RAP1A: variants seen among roughly 807,000 people sequenced by gnomAD.
RAP1A encodes RAP1A, member of RAS oncogene family.
Under a neutral mutation model 26.4 loss-of-function variants are expected in RAP1A, and 6 were observed. That is an observed-to-expected ratio of 0.23 (90% CI 0.12 to 0.45). RAP1A has a LOEUF of 0.45. RAP1A is among the 20% of genes least tolerant of loss of function. The pLI, the probability that RAP1A is intolerant of heterozygous loss-of-function variation, is 0.99. For missense variants in RAP1A, 121 were observed against 217.2 expected (o/e 0.56, Z 2.78); for synonymous variants, 73 against 79.4 (o/e 0.92, Z 0.43).
At chr1:111,588,812 A>T (rs1389125781) in intron 1 of RAP1A, among the ~76,000 whole-genome samples, 3 of 152,242 alleles carry the variant, frequency 2.0e-5, no homozygotes, top group African/African-American at 7.2e-5. Flanking sequence ...CTGCACTAGA[A>T]TATACCCTCC....
intron 1 of RAP1A, among the ~76,000 whole-genome samples, chr1:111,690,999 A>G (rs1661648823): frequency 1.3e-5 from 2 of 152,244 alleles, no homozygotes; most frequent in Non-Finnish European, 1.5e-5. Flanking sequence ...AGTTGTTTAA[A>G]TGATAGCTTT....
chr1:111,709,511 GAGTTGGGTTTTAAAAAATAGT>G (rs1662309764), intron 7 of RAP1A, among the ~76,000 whole-genome samples: 1 of 152,154 alleles, frequency 6.6e-6, no homozygotes, highest in Admixed American at 6.5e-5. Flanking sequence ...GCTTGATACA[GAGTTGGGTTTTAAAAAATAGT>G]AGTTGAATGA....
intron 1 of RAP1A, among the ~76,000 whole-genome samples, chr1:111,600,257 C>T (rs890152254): frequency 1.3e-5 from 2 of 152,254 alleles, no homozygotes; most frequent in Non-Finnish European, 2.9e-5. Flanking sequence ...TCTTTCAGCT[C>T]ACATTGCAGA....
At chr1:111,690,192 C>T (rs948103122) in intron 1 of RAP1A, among the ~76,000 whole-genome samples, 1 of 152,084 alleles carries the variant, frequency 6.6e-6, no homozygotes, top group African/African-American at 2.4e-5. Context: ...ATATCATTTA[C>T]TCTAGAGCTT....
At chr1:111,688,978 G>T (rs374600777) in intron 1 of RAP1A, among the ~76,000 whole-genome samples, 15 of 152,064 alleles carry the variant, frequency 9.9e-5, no homozygotes, top group African/African-American at 3.6e-4. Flanking sequence ...GGGACCATAG[G>T]CACATGCCAC....
chr1:111,647,399 TAGAA>T (rs557669181), intron 1 of RAP1A, among the ~76,000 whole-genome samples: 25 of 152,254 alleles, frequency 1.6e-4, no homozygotes, highest in South Asian at 1.5e-3. Flanking sequence ...GTAATAATAA[TAGAA>T]AGAAAGTGCA....
upstream of RAP1A, among the ~76,000 whole-genome samples, chr1:111,615,155 A>T (rs893731393): frequency 1.4e-4 from 22 of 152,132 alleles, no homozygotes; most frequent in Non-Finnish European, 2.9e-5. Flanking sequence ...GTGAAAGGTA[A>T]GGCTAGAAAA....
Position 111,709,241 on chromosome 1 carries a change from TAGTC to T in RAP1A, c.*9_*12del, listed in dbSNP as rs762856412. ...AATCATGTCTGCTGCTCTAGGCCCA[TAGTC>T]AGCAGCAGCTCTGAGCCAGGTAAGA... On this transcript the variant is annotated 3_prime_UTR_variant, in exon 7 of 8. Transcript: ENST00000369709. 53 of 1,605,930 alleles carry T rather than the reference TAGTC, an allele frequency of 3.3e-5. No homozygotes were observed. The highest frequency in any genetic ancestry group is 4.3e-5 in the Non-Finnish European group (51 of 1,177,672).
chr1:111,672,043 T>C (rs1218862230), intron 1 of RAP1A, among the ~76,000 whole-genome samples: 1 of 152,202 alleles, frequency 6.6e-6, no homozygotes, highest in Non-Finnish European at 1.5e-5. Context: ...ATTATCCATG[T>C]ACACTGGAAA....
At chr1:111,549,328 T>C (rs1369643966) in intron 1 of RAP1A, among the ~76,000 whole-genome samples, 1 of 150,876 alleles carries the variant, frequency 6.6e-6, no homozygotes, top group Admixed American at 6.6e-5. Flanking sequence ...TTTTTTTTCT[T>C]GTCTTTTTCC....
intron 1 of RAP1A, among the ~76,000 whole-genome samples, chr1:111,571,525 G>A (rs1373246741): frequency 2.0e-5 from 3 of 152,174 alleles, no homozygotes; most frequent in Non-Finnish European, 4.4e-5. Context: ...AATAACAAAA[G>A]GCACTCCTGT....
At chr1:111,699,941 C>G (rs1292265183) in intron 4 of RAP1A, among the ~76,000 whole-genome samples, 2 of 152,164 alleles carry the variant, frequency 1.3e-5, no homozygotes, top group African/African-American at 2.4e-5. Flanking sequence ...TTTTCAGCAG[C>G]CTTTGACTCA....
chr1:111,617,817 G>A (rs1169891197), upstream of RAP1A, among the ~76,000 whole-genome samples: 1 of 151,606 alleles, frequency 6.6e-6, no homozygotes. Flanking sequence ...GCCGAGGCGG[G>A]TGGATCACCT....
intron 1 of RAP1A, among the ~76,000 whole-genome samples, chr1:111,679,550 C>G (rs1359031080): frequency 1.3e-5 from 2 of 151,924 alleles, no homozygotes; most frequent in African/African-American, 4.8e-5. Flanking sequence ...CCTGGAACCC[C>G]AGCAACACAG....
intron 1 of RAP1A, among the ~76,000 whole-genome samples, chr1:111,609,503 A>G (rs1302398587): frequency 6.6e-6 from 1 of 152,092 alleles, no homozygotes; most frequent in Non-Finnish European, 1.5e-5. Context: ...TTCTGTCTTC[A>G]TCTAGGCTCA....
chr1:111,685,293 A>T (rs1661434073), intron 1 of RAP1A, among the ~76,000 whole-genome samples: 1 of 152,226 alleles, frequency 6.6e-6, no homozygotes, highest in Non-Finnish European at 1.5e-5. Flanking sequence ...ATTAAACCAA[A>T]GAGCTTCTGC....
chr1:111,594,115 C>G (rs1311018283), intron 1 of RAP1A, among the ~76,000 whole-genome samples: 2 of 152,274 alleles, frequency 1.3e-5, no homozygotes, highest in South Asian at 2.1e-4. Flanking sequence ...TTGATTTTAT[C>G]TTCTGCAGTT....
At chr1:111,658,757 A>G (rs553420196) in intron 1 of RAP1A, among the ~76,000 whole-genome samples, 10 of 152,302 alleles carry the variant, frequency 6.6e-5, no homozygotes, top group South Asian at 4.1e-4. Flanking sequence ...ATTAGATCCA[A>G]TTGATTGATG....
intron 1 of RAP1A, among the ~76,000 whole-genome samples, chr1:111,653,291 T>A (rs1660333791): frequency 6.6e-6 from 1 of 152,182 alleles, no homozygotes; most frequent in African/African-American, 2.4e-5. Flanking sequence ...GATATGTTTT[T>A]TTTTGGGAGG....
Sources: gnomAD v4.1 joint callset for allele counts (sites outside exome capture counted in the v4.1 genomes callset) on GRCh38, gnomAD v4.1.1 for gene constraint, MANE v1.5 for transcripts, NCBI Gene and HGNC (gene_info 2026-07-23, HGNC 2026-07-21) for gene names.